The following SLC35F1 variants were observed in gnomAD, a reference collection of about 807,000 sequenced individuals.
SLC35F1 encodes chromosome 6 open reading frame 169.
Under a neutral mutation model 48.7 loss-of-function variants are expected in SLC35F1, and 14 were observed. The ratio of observed to expected loss-of-function variants is 0.29; its 90% CI spans 0.19 to 0.45. The LOEUF is 0.45. Ranked by LOEUF, SLC35F1 falls within the 20% of genes least tolerant of loss-of-function variation. The pLI is 1.00. For missense variants in SLC35F1, 404 were observed against 500.0 expected, an observed-to-expected ratio of 0.81 and a Z score of 1.83; for synonymous variants, 190 against 202.2, an observed-to-expected ratio of 0.94 and a Z score of 0.51.
chr6:118,178,950 T>C (rs980772456), intron 2 of SLC35F1, among the ~76,000 whole-genome samples: 2 of 152,164 alleles, frequency 1.3e-5, no homozygotes, highest in African/African-American at 4.8e-5. Flanking sequence ...TTACAATTTT[T>C]AATGAAGACT....
intron 1 of SLC35F1, among the ~76,000 whole-genome samples, chr6:118,005,097 A>G (rs751288034): frequency 2.0e-5 from 3 of 152,220 alleles, no homozygotes; most frequent in Non-Finnish European, 2.9e-5. Context: ...GAGGTCTTAC[A>G]GAAAGACAAT....
At chr6:118,123,565 G>A (rs935480346) in intron 1 of SLC35F1, among the ~76,000 whole-genome samples, 3 of 152,096 alleles carry the variant, frequency 2.0e-5, no homozygotes, top group Non-Finnish European at 4.4e-5. Context: ...TGTTCTACAT[G>A]CAAGCGCTTT....
At chr6:118,111,126 T>C (rs748477381) in intron 1 of SLC35F1, among the ~76,000 whole-genome samples, 2 of 152,136 alleles carry the variant, frequency 1.3e-5, no homozygotes, top group Non-Finnish European at 2.9e-5. Flanking sequence ...CATACATGTA[T>C]GGGAATACCA....
chr6:118,179,413 G>A (rs1029974013), intron 2 of SLC35F1, among the ~76,000 whole-genome samples: 1 of 152,160 alleles, frequency 6.6e-6, no homozygotes, highest in Non-Finnish European at 1.5e-5. Context: ...CCCTGCTCCA[G>A]AAGAGAGAAA....
chr6:118,127,871 G>A (rs1195285263), intron 1 of SLC35F1, among the ~76,000 whole-genome samples: 1 of 151,512 alleles, frequency 6.6e-6, no homozygotes, highest in Non-Finnish European at 1.5e-5. Flanking sequence ...GAGTGAACAG[G>A]CAACCTACAA....
intron 1 of SLC35F1, among the ~76,000 whole-genome samples, chr6:118,113,262 CT>C (rs946100750): frequency 1.3e-4 from 20 of 151,970 alleles, no homozygotes; most frequent in African/African-American, 4.4e-4. Context: ...AATTTTTAAA[CT>C]TTTTGTAGAG....
At chr6:118,099,175 A>G (rs1487115242) in intron 1 of SLC35F1, among the ~76,000 whole-genome samples, 5 of 152,234 alleles carry the variant, frequency 3.3e-5, no homozygotes, top group Non-Finnish European at 5.9e-5. Context: ...TGTCAGGCCA[A>G]GATTTTCTGA....
chr6:118,293,312 A>G (rs1295159337), intron 7 of SLC35F1, among the ~76,000 whole-genome samples: 1 of 152,134 alleles, frequency 6.6e-6, no homozygotes, highest in Non-Finnish European at 1.5e-5. Flanking sequence ...GCTCTAGGGG[A>G]GAATCCATTT....
chr6:118,313,172 A>G (rs759868317), intron 7 of SLC35F1, among the ~76,000 whole-genome samples: 1 of 152,238 alleles, frequency 6.6e-6, no homozygotes, highest in Non-Finnish European at 1.5e-5. Context: ...GGAGTGAATG[A>G]AGGAATGAAT....
chr6:118,202,832 AGGGAAGGCCTCTCC>A (rs1774888415), intron 2 of SLC35F1, among the ~76,000 whole-genome samples: 3 of 152,384 alleles, frequency 2.0e-5, no homozygotes, highest in African/African-American at 7.2e-5. Context: ...CTCTGTCATC[AGGGAAGGCCTCTCC>A]GAGGAGATGA....
intron 1 of SLC35F1, among the ~76,000 whole-genome samples, chr6:118,133,381 G>A (rs1055877079): frequency 3.9e-5 from 6 of 152,014 alleles, no homozygotes; most frequent in African/African-American, 1.4e-4. Context: ...CTATTTTTAG[G>A]TTCTGGAAAA....
chr6:118,004,761 A>T (rs1438093872), intron 1 of SLC35F1, among the ~76,000 whole-genome samples: 1 of 151,864 alleles, frequency 6.6e-6, no homozygotes, highest in African/African-American at 2.4e-5. Context: ...TGAAGTCTTG[A>T]TATTTTTCCT....
At chr6:118,248,425 G>A (rs1775534111) in intron 3 of SLC35F1, among the ~76,000 whole-genome samples, 1 of 152,220 alleles carries the variant, frequency 6.6e-6, no homozygotes, top group Admixed American at 6.5e-5. Flanking sequence ...TCTGAATTAT[G>A]TGGGTGACCT....
At position 118,268,601 on chromosome 6, in the gene SLC35F1, T is replaced by TATATATATATATATATA. The variant is rs59597751; in HGVS notation, c.637+1447_637+1448insATATATATATATATATA. Among the ~76,000 whole-genome samples the TATATATATATATATATA allele has an allele frequency of 4.8e-4, 22 of 45,538 alleles. 1 individual carries two copies. Among genetic ancestry groups the TATATATATATATATATA allele is most frequent in the Non-Finnish European group, 6.0e-4 (16 of 26,836 alleles). 29.9% of individuals were successfully genotyped at this position (45,538 alleles called of 152,430 possible). A position where few individuals can be genotyped will look rare whatever the true frequency, so the allele number is the denominator to read the frequency against. Reference sequence around the variant, plus strand: ...ATATATATGTATATATATATATATATTTTTTTTTTTTTTTTTTTTTTTTTT... The same window carrying TATATATATATATATATA: ...ATATATATGTATATATATATATATATATATATATATATATATATTTTTTTTTTTTTTTTTTTTTTTTT... On this transcript the variant is annotated intron_variant, in intron 4 of 7. Transcript: ENST00000360388.
intron 1 of SLC35F1, among the ~76,000 whole-genome samples, chr6:118,151,378 G>C (rs1012845714): frequency 6.6e-6 from 1 of 152,030 alleles, no homozygotes; most frequent in Non-Finnish European, 1.5e-5. Flanking sequence ...TGCTACTAAT[G>C]CTGCTGGATC....
intron 1 of SLC35F1, among the ~76,000 whole-genome samples, chr6:118,068,640 CT>C (rs1378516524): frequency 6.6e-6 from 1 of 152,104 alleles, no homozygotes; most frequent in Non-Finnish European, 1.5e-5. Context: ...CCAGGGGAAA[CT>C]TTTTTTCATT....
intron 2 of SLC35F1, among the ~76,000 whole-genome samples, chr6:118,182,885 C>T (rs1774603248): frequency 6.6e-6 from 1 of 152,054 alleles, no homozygotes; most frequent in Non-Finnish European, 1.5e-5. Flanking sequence ...TGTAAAATAA[C>T]ACCTTGATGG....
intron 1 of SLC35F1, among the ~76,000 whole-genome samples, chr6:118,094,126 G>A (rs1354041340): frequency 3.3e-5 from 5 of 152,128 alleles, no homozygotes; most frequent in African/African-American, 9.7e-5. Flanking sequence ...ATGCTGTTGA[G>A]AATGATATGG....
intron 7 of SLC35F1, among the ~76,000 whole-genome samples, chr6:118,286,098 TTAACAAGTCCTG>T (rs1776045798): frequency 6.6e-6 from 1 of 152,310 alleles, no homozygotes; most frequent in South Asian, 2.1e-4. Context: ...TTGCCATTCC[TTAACAAGTCCTG>T]TAAGACAAGA....
Sources: gnomAD v4.1 joint callset for allele counts (sites outside exome capture counted in the v4.1 genomes callset) on GRCh38, gnomAD v4.1.1 for gene constraint, MANE v1.5 for transcripts, NCBI Gene and HGNC (gene_info 2026-07-23, HGNC 2026-07-21) for gene names.